MACROD2: variants seen among roughly 807,000 people sequenced by gnomAD.
MACROD2 encodes mono-ADP ribosylhydrolase 2.
In MACROD2, 36 loss-of-function variants were observed where a neutral mutation model predicts 70.4. The ratio of observed to expected loss-of-function variants is 0.51; its 90% CI spans 0.39 to 0.68. The LOEUF (loss-of-function observed/expected upper bound fraction) is 0.68. Among genes scored for constraint, MACROD2 ranks in the 30% least tolerant of loss-of-function variants. The pLI is 0.00. For synonymous variants in MACROD2, 172 were observed against 178.8 expected (o/e 0.96, Z 0.30); for missense variants, 496 against 538.4 (o/e 0.92, Z 0.78).
intron 5 of MACROD2, among the ~76,000 whole-genome samples, chr20:14,728,230 T>A (rs2071552852): frequency 6.6e-6 from 1 of 152,202 alleles, no homozygotes; most frequent in Non-Finnish European, 1.5e-5. Context: ...ACTAATCACT[T>A]AAAGATGTAG....
At chr20:15,803,005 T>C (rs916023079) in intron 8 of MACROD2, among the ~76,000 whole-genome samples, 1 of 152,036 alleles carries the variant, frequency 6.6e-6, no homozygotes, top group African/African-American at 2.4e-5. Context: ...AGTAATGAGA[T>C]TAAATTGGTA....
At chr20:15,027,065 G>T (rs532043207) in intron 5 of MACROD2, among the ~76,000 whole-genome samples, 3 of 152,168 alleles carry the variant, frequency 2.0e-5, no homozygotes, top group Non-Finnish European at 4.4e-5. Flanking sequence ...CTAATGATTT[G>T]GTTTACACAG....
At chr20:14,382,494 C>T (rs1228621225) in intron 3 of MACROD2, among the ~76,000 whole-genome samples, 1 of 151,754 alleles carries the variant, frequency 6.6e-6, no homozygotes, top group East Asian at 2.0e-4. Context: ...CGTGGAGAAA[C>T]CCTGTCTCTA....
chr20:14,721,268 A>AG (rs1314562557), intron 5 of MACROD2, among the ~76,000 whole-genome samples: 2 of 151,504 alleles, frequency 1.3e-5, no homozygotes, highest in Admixed American at 6.6e-5. Context: ...AAAAAAAAAA[A>AG]AAGAAAAGAA....
At chr20:15,807,836 A>G (rs1386535521) in intron 8 of MACROD2, among the ~76,000 whole-genome samples, 1 of 152,166 alleles carries the variant, frequency 6.6e-6, no homozygotes, top group Non-Finnish European at 1.5e-5. Flanking sequence ...ACCACCCCTT[A>G]TATTGTCTTA....
At chr20:15,930,222 C>T (rs149487151) in intron 10 of MACROD2, among the ~76,000 whole-genome samples, 2,100 of 152,220 alleles carry the variant, frequency 0.014, 40 homozygotes, top group African/African-American at 0.047. Context: ...CTTCCTGTGA[C>T]GATAGCTAGA....
At position 15,046,024 on chromosome 20, in the gene MACROD2, G is replaced by A. The variant is rs1366229359; in HGVS notation, c.419-183916G>A. On this transcript the variant is annotated intron_variant, in intron 5 of 17. Transcript: ENST00000684519. ...AGTCCAGCCTTCTCCTCTCTGTGGC[G>A]TCCTTTCGGAGATCATCTGTACGCT... Among the ~76,000 whole-genome samples the A allele has an allele frequency of 2.6e-5, 4 of 151,806 alleles. No homozygotes were observed. The East Asian group carries it at 5.8e-4, about 22-fold the overall frequency.
chr20:15,858,702 AC>A (rs1412014888), intron 8 of MACROD2, among the ~76,000 whole-genome samples: 3 of 152,148 alleles, frequency 2.0e-5, no homozygotes, highest in African/African-American at 7.2e-5. Flanking sequence ...TCTAAAGTCT[AC>A]CTACTTTCAG....
rs1216002235 is a variant in MACROD2, at chr20:14,275,578, CT to C, written c.271+189852del. On this transcript the variant is annotated intron_variant, in intron 3 of 17. Coordinates refer to ENST00000684519, the MANE Select transcript of MACROD2 (RefSeq NM_001351661.2). ...TTCAGGACATAGGCATGGGCAAGGA[CT>C]TCATGTCTAAAACACCAAAAGCAAT... Among the ~76,000 whole-genome samples, 14 of 151,606 alleles carry C rather than the reference CT, an allele frequency of 9.2e-5. No homozygotes were observed. In the East Asian group the frequency reaches 2.5e-3, roughly 27 times the overall value.
At chr20:14,773,984 T>A (rs1328088817) in intron 5 of MACROD2, among the ~76,000 whole-genome samples, 1 of 152,122 alleles carries the variant, frequency 6.6e-6, no homozygotes, top group Non-Finnish European at 1.5e-5. Context: ...TTCAAACAAA[T>A]CTCATTGGGT....
At chr20:14,846,260 C>T (rs1003348941) in intron 5 of MACROD2, among the ~76,000 whole-genome samples, 2 of 152,134 alleles carry the variant, frequency 1.3e-5, no homozygotes, top group Admixed American at 6.6e-5. Context: ...GCACTGCACA[C>T]TGTCACCTGG....
chr20:14,409,758 T>C (rs148754018), intron 3 of MACROD2, among the ~76,000 whole-genome samples: 147 of 152,264 alleles, frequency 9.7e-4, no homozygotes, highest in Admixed American at 2.8e-3. Context: ...TGAGGCTTAG[T>C]GTCCTTAATT....
At chr20:14,905,995 T>C (rs2073954160) in intron 5 of MACROD2, 1 of 152,182 alleles carries the variant, frequency 6.6e-6, no homozygotes, top group Non-Finnish European at 1.5e-5. Flanking sequence ...GTTTTGTTTT[T>C]GTTTTTTGTT....
At chr20:14,954,822 T>TTG in intron 5 of MACROD2, among the ~76,000 whole-genome samples, 1 of 3,550 alleles carries the variant, frequency 2.8e-4, no homozygotes, top group Non-Finnish European at 1.7e-3. Flanking sequence ...ATAATATAAA[T>TTG]TATAAATATA....
At chr20:14,299,658 G>A (rs2082458372) in intron 3 of MACROD2, among the ~76,000 whole-genome samples, 2 of 152,212 alleles carry the variant, frequency 1.3e-5, no homozygotes, top group South Asian at 2.1e-4. Context: ...CTGTACATGG[G>A]AATTATTTTT....
At position 15,234,018 on chromosome 20, in the gene MACROD2, T is replaced by C. The variant is rs1238981921; in HGVS notation, c.540+3957T>C. Among the ~76,000 whole-genome samples, 29 of 10,722 alleles carry C rather than the reference T, an allele frequency of 2.7e-3. 1 individual carries two copies. The highest frequency in any genetic ancestry group is 4.0e-3 in the Non-Finnish European group (22 of 5,482). The allele number at this position is 10,722 out of a possible 152,430, so 7.0% of individuals were successfully genotyped here. On this transcript the variant is annotated intron_variant, in intron 6 of 17. Coordinates refer to ENST00000684519, the MANE Select transcript of MACROD2 (RefSeq NM_001351661.2). ...ATATATATATATATATATTCTTTTTTTTTTTTTTTTTTTTTTTTTTTTTTT... is the reference window on the plus strand; with the variant it reads ...ATATATATATATATATATTCTTTTTCTTTTTTTTTTTTTTTTTTTTTTTTT...
intron 2 of MACROD2, among the ~76,000 whole-genome samples, chr20:14,015,130 C>T (rs1014248534): frequency 6.6e-6 from 1 of 152,076 alleles, no homozygotes; most frequent in African/African-American, 2.4e-5. Flanking sequence ...CCAATCTACT[C>T]TTGTAAATTT....
At position 15,340,165 on chromosome 20, in the gene MACROD2, G is replaced by A. The variant is rs535277025; in HGVS notation, c.541-91240G>A. Among the ~76,000 whole-genome samples the A allele has an allele frequency of 2.2e-3, 216 of 98,312 alleles. 1 individual carries two copies. Among genetic ancestry groups the A allele is most frequent in the African/African-American group, 8.3e-3 (209 of 25,284 alleles). 64.5% of individuals were successfully genotyped at this position (98,312 alleles called of 152,430 possible). Reference sequence around the variant, plus strand: ...TTTTTTTTTTTTTTTTTGAGATGGAGTCTGGCTCTGTCACCCAGGCTGGAG... The same window carrying A: ...TTTTTTTTTTTTTTTTTGAGATGGAATCTGGCTCTGTCACCCAGGCTGGAG... On this transcript the variant is annotated intron_variant, in intron 6 of 17. Transcript: ENST00000684519.
chr20:14,008,782 G>T (rs939940797), intron 2 of MACROD2, among the ~76,000 whole-genome samples: 3 of 152,092 alleles, frequency 2.0e-5, no homozygotes, highest in Non-Finnish European at 2.9e-5. Flanking sequence ...TAGACCAGTG[G>T]AACAGAATAG....
Sources: gnomAD v4.1 joint callset for allele counts (sites outside exome capture counted in the v4.1 genomes callset) on GRCh38, gnomAD v4.1.1 for gene constraint, MANE v1.5 for transcripts, NCBI Gene and HGNC (gene_info 2026-07-23, HGNC 2026-07-21) for gene names.